RORA: variants seen among roughly 807,000 people sequenced by gnomAD.
RORA encodes nuclear receptor ROR-alpha.
In RORA, 7 loss-of-function variants were observed where a neutral mutation model predicts 69.5. The ratio of observed to expected loss-of-function variants is 0.10; its 90% CI spans 0.06 to 0.19. The LOEUF is 0.19. RORA is among the 10% of genes least tolerant of loss of function. RORA has a pLI of 1.00. For synonymous variants in RORA, 261 were observed against 240.8 expected (o/e 1.08, Z -0.78); for missense variants, 457 against 663.0 (o/e 0.69, Z 3.41).
rs1223218114 is a variant in RORA at position 60,648,236 on chromosome 15, T to C, written c.196+30421A>G. On this transcript the variant is annotated intron_variant, in intron 2 of 10. Coordinates refer to ENST00000335670, the MANE Select transcript of RORA (RefSeq NM_134261.3). Reference sequence around the variant, plus strand: ...ATACAATAAACCACATACCTCTTTATGTTTATATATGAACATATTAAAGAA... The same window carrying C: ...ATACAATAAACCACATACCTCTTTACGTTTATATATGAACATATTAAAGAA... Among the ~76,000 whole-genome samples, 5 of 152,252 alleles carry C rather than the reference T, an allele frequency of 3.3e-5. No homozygotes were observed. The East Asian group carries it at 9.6e-4, about 29-fold the overall frequency.
intron 1 of RORA, among the ~76,000 whole-genome samples, chr15:60,705,189 T>A (rs576986767): frequency 6.6e-6 from 1 of 151,540 alleles, no homozygotes; most frequent in East Asian, 1.9e-4. Context: ...ACCTAGGTGG[T>A]TTTTATTGTT....
At chr15:61,103,716 T>G (rs1317638953) in intron 1 of RORA, among the ~76,000 whole-genome samples, 1 of 152,100 alleles carries the variant, frequency 6.6e-6, no homozygotes, top group Non-Finnish European at 1.5e-5. Flanking sequence ...CCAGAACAGA[T>G]CCAGATATGG....
chr15:60,738,395 C>A (rs958496460), intron 1 of RORA, among the ~76,000 whole-genome samples: 6 of 152,232 alleles, frequency 3.9e-5, no homozygotes, highest in Non-Finnish European at 7.4e-5. Flanking sequence ...CCTGCCCCAA[C>A]CACAAATTCC....
intron 1 of RORA, among the ~76,000 whole-genome samples, chr15:61,211,615 T>C (rs2079992618): frequency 6.6e-6 from 1 of 152,202 alleles, no homozygotes. Context: ...AGTGAAATAT[T>C]GACAGGGAAA....
chr15:60,543,666 G>T (rs1449814485), intron 2 of RORA, among the ~76,000 whole-genome samples: 1 of 151,880 alleles, frequency 6.6e-6, no homozygotes, highest in Non-Finnish European at 1.5e-5. Context: ...TTTTTCAGTA[G>T]AGATGGGGTT....
intron 2 of RORA, among the ~76,000 whole-genome samples, chr15:60,585,376 C>A (rs552766674): frequency 3.3e-4 from 50 of 152,294 alleles, no homozygotes; most frequent in African/African-American, 1.1e-3. Flanking sequence ...TTTAGGCAAA[C>A]TGTATATACT....
At chr15:60,687,740 T>TGTTTG (rs2070769063) in intron 1 of RORA, among the ~76,000 whole-genome samples, 1 of 152,234 alleles carries the variant, frequency 6.6e-6, no homozygotes, top group Non-Finnish European at 1.5e-5. Flanking sequence ...TGTGACAGAA[T>TGTTTG]GAGACTCCGT....
intron 2 of RORA, among the ~76,000 whole-genome samples, chr15:60,599,289 G>A (rs1361440797): frequency 4.6e-5 from 7 of 152,142 alleles, no homozygotes; most frequent in Non-Finnish European, 8.8e-5. Flanking sequence ...TGTGGCTCAC[G>A]CCTGTAATCC....
intron 1 of RORA, among the ~76,000 whole-genome samples, chr15:60,768,328 G>C (rs2072020640): frequency 6.6e-6 from 1 of 152,184 alleles, no homozygotes. Flanking sequence ...TATGTGCACT[G>C]TGGGATCGTG....
At chr15:60,894,164 G>C (rs1301078824) in intron 1 of RORA, among the ~76,000 whole-genome samples, 1 of 152,198 alleles carries the variant, frequency 6.6e-6, no homozygotes, top group Admixed American at 6.5e-5. Context: ...CCTGTGAAGA[G>C]CCCTCACCGC....
rs1447733920 is a variant in RORA, at chr15:61,128,940, C to T, written c.166+100113G>A. On this transcript the variant is annotated intron_variant, in intron 1 of 10. Transcript: ENST00000335670. This position sits in a 1 kb window ranked among gnomAD's most constrained non-coding sequence, Gnocchi z 4.5. The stretch of plus-strand genomic sequence containing the variant: ...TGGCACCACGTGCCTGCCTTGGGCC[C>T]ACTCCCTTCTACGAGTGCCCTTAAC... 6.6e-6 allele frequency among the ~76,000 whole-genome samples: 1 copy of T among 152,206 alleles called. No homozygotes were observed. Among genetic ancestry groups the T allele is most frequent in the Non-Finnish European group, 1.5e-5 (1 of 68,028 alleles).
intron 1 of RORA, among the ~76,000 whole-genome samples, chr15:61,024,027 T>C (rs1895673819): frequency 6.6e-6 from 1 of 151,954 alleles, no homozygotes; most frequent in Non-Finnish European, 1.5e-5. Flanking sequence ...CATGAACGAG[T>C]GTTGGGAGTT....
chr15:61,222,741 T>C (rs922005695), intron 1 of RORA, among the ~76,000 whole-genome samples: 3 of 152,318 alleles, frequency 2.0e-5, no homozygotes, highest in African/African-American at 7.2e-5. Flanking sequence ...ATGCTTTCCA[T>C]ATTCGTCCAG....
rs945839694 is a variant in RORA at position 60,495,724 on chromosome 15, G to T, written c.*1731C>A. The stretch of plus-strand genomic sequence containing the variant: ...TTCTGTACAAAATGGTCTTTGACCA[G>T]TAGTTTGAATCCCACCCCTAGTGCG... On this transcript the variant is annotated 3_prime_UTR_variant, in exon 11 of 11. Coordinates refer to ENST00000335670, the MANE Select transcript of RORA (RefSeq NM_134261.3). 1 of 152,164 alleles carries T rather than the reference G, an allele frequency of 6.6e-6. No individual in the cohort carries two copies. The highest frequency in any genetic ancestry group is 2.4e-5 in the African/African-American group (1 of 41,440). 9.4% of individuals were successfully genotyped at this position (152,164 alleles called of 1,614,324 possible).
At chr15:60,506,958 G>A (rs2065525089) in intron 5 of RORA, among the ~76,000 whole-genome samples, 1 of 151,884 alleles carries the variant, frequency 6.6e-6, no homozygotes, top group African/African-American at 2.4e-5. Flanking sequence ...CTGCACTCCA[G>A]CCTGGGCAAT....
At chr15:60,651,567 T>C (rs2140698154) in intron 2 of RORA, among the ~76,000 whole-genome samples, 1 of 152,272 alleles carries the variant, frequency 6.6e-6, no homozygotes, top group East Asian at 1.9e-4. Context: ...ACACAAAACA[T>C]GCCACTATTC....
chr15:60,838,843 A>AAC (rs58762022), intron 1 of RORA, among the ~76,000 whole-genome samples: 4,567 of 121,966 alleles, frequency 0.037, 206 homozygotes, highest in African/African-American at 0.11. Context: ...ACATTCATTC[A>AAC]ACACACACAC....
At chr15:60,941,953 C>T (rs1892710118) in intron 1 of RORA, among the ~76,000 whole-genome samples, 1 of 152,168 alleles carries the variant, frequency 6.6e-6, no homozygotes, top group Non-Finnish European at 1.5e-5. Flanking sequence ...CTTTGCATTA[C>T]CCACCAGTCC....
At chr15:60,879,476 T>A (rs779108590) in intron 1 of RORA, among the ~76,000 whole-genome samples, 1 of 152,146 alleles carries the variant, frequency 6.6e-6, no homozygotes, top group Non-Finnish European at 1.5e-5. Flanking sequence ...TAGTGTTACT[T>A]AGAGAAGGGA....
Sources: allele counts gnomAD v4.1 joint callset (sites outside exome capture counted in the v4.1 genomes callset), GRCh38; gene constraint gnomAD v4.1.1; non-coding constraint Gnocchi (gnomAD v3.1); transcripts MANE v1.5; gene names NCBI Gene and HGNC (gene_info 2026-07-23, HGNC 2026-07-21).